Variants in NARS1 observed in about 807,000 individuals in gnomAD.
The protein encoded by NARS1 is asparaginyl-tRNA synthetase 1.
NARS1 carries 65 observed loss-of-function variants against 79.2 expected under a neutral mutation model. The observed-to-expected ratio is 0.82, with a 90% CI of 0.67 to 1.01. The LOEUF (loss-of-function observed/expected upper bound fraction) is 1.01, where lower values mean the gene tolerates loss of function less well. Among genes scored for constraint, NARS1 ranks in the 50% least tolerant of loss-of-function variants. The pLI is 0.00. For synonymous variants in NARS1, 229 were observed against 238.8 expected, an observed-to-expected ratio of 0.96 and a Z score of 0.38; for missense variants, 649 against 673.8, an observed-to-expected ratio of 0.96 and a Z score of 0.41.
At chr18:57,615,520 A>AAATG (rs751776115) in intron 4 of NARS1, 121 bp downstream of exon 4, 185 of 662,550 alleles carry the variant, frequency 2.8e-4, no homozygotes, top group Non-Finnish European at 4.4e-4. Flanking sequence ...ATAAATAAAT[A>AAATG]AATAAATGGA....
intron 13 of NARS1, 61 bp from the exon 14 acceptor site, chr18:57,601,844 G>A (rs2051509929): frequency 2.6e-6 from 4 of 1,566,584 alleles, no homozygotes; most frequent in Non-Finnish European, 3.5e-6. Flanking sequence ...TTTCATCTAA[G>A]ACAGTTAAAA....
At chr18:57,604,504 G>C (rs2051537684) in intron 11 of NARS1, among the ~76,000 whole-genome samples, 1 of 149,990 alleles carries the variant, frequency 6.7e-6, no homozygotes, top group Non-Finnish European at 1.5e-5. Flanking sequence ...CTAGTTAGCA[G>C]CATCTACACA....
chr18:57,616,944 G>T (rs1908053967), intron 2 of NARS1, among the ~76,000 whole-genome samples: 1 of 53,884 alleles, frequency 1.9e-5, no homozygotes, highest in African/African-American at 8.1e-5. Flanking sequence ...GAGAGACTCT[G>T]TCTCAAAAAA....
At chr18:57,606,287 A>C (rs2051555404) in intron 10 of NARS1, among the ~76,000 whole-genome samples, 1 of 150,562 alleles carries the variant, frequency 6.6e-6, no homozygotes, top group Non-Finnish European at 1.5e-5. Context: ...CAGAGGTTGC[A>C]GTGAGCAGAG....
intron 5 of NARS1, 120 bp downstream of exon 5, chr18:57,613,482 G>T: frequency 2.4e-6 from 2 of 817,242 alleles, no homozygotes; most frequent in South Asian, 1.7e-5. Context: ...AACAAAGTGA[G>T]ACTGTGTCTA....
intron 2 of NARS1, among the ~76,000 whole-genome samples, chr18:57,617,787 C>T (rs371794106): frequency 1.3e-5 from 2 of 150,724 alleles, no homozygotes; most frequent in African/African-American, 2.4e-5. Context: ...TGGTGGCACA[C>T]GCCTGTGGTC....
rs541148873 is a variant in NARS1 at position 57,607,100 on chromosome 18, T to C, written c.1001+34A>G. 5 of 1,560,304 alleles carry C rather than the reference T, an allele frequency of 3.2e-6. No individual in the cohort carries two copies. In the Admixed American group the frequency reaches 9.5e-5, roughly 30 times the overall value. On this transcript the variant is annotated intron_variant, in intron 9 of 13. Coordinates refer to ENST00000256854, the MANE Select transcript of NARS1 (RefSeq NM_004539.4). The stretch of plus-strand genomic sequence containing the variant: ...AGATTTCTTCTCTAAAGATATTACC[T>C]AGAAAGAAATAAAACAAAAAGACAA...
chr18:57,611,114 GCAC>G (rs2051601329), intron 6 of NARS1, among the ~76,000 whole-genome samples: 1 of 151,698 alleles, frequency 6.6e-6, no homozygotes. Context: ...CTACAGATAT[GCAC>G]CACCACACCT....
chr18:57,612,395 G>A (rs995968959), intron 5 of NARS1, among the ~76,000 whole-genome samples: 1 of 152,110 alleles, frequency 6.6e-6, no homozygotes, highest in Non-Finnish European at 1.5e-5. Context: ...TCCAATTACT[G>A]AAATCCGCTT....
In NARS1 at chr18:57,613,660, T is replaced by C. The variant is rs1032422264; in HGVS notation, c.363A>G (p.Glu121=). The stretch of plus-strand genomic sequence containing the variant: ...CCTTTACTCTTTGGCCTCTATATCC[T>C]TCTAACGCACCAATCTTCACCTGTC... ...EPKCVKIGAL[E]GYRGQRVKVF... The change falls in exon 5 of 14, where the codon GAA becomes GAG. Residue 121 remains glutamate (E), a synonymous_variant. Transcript: ENST00000256854. 5 of 1,614,142 alleles carry C rather than the reference T, an allele frequency of 3.1e-6. No homozygotes were observed. Among genetic ancestry groups the C allele is most frequent in the Admixed American group, 1.7e-5 (1 of 60,022 alleles).
Position 57,621,760 on chromosome 18 carries a change from C to T in NARS1, c.-43G>A. 6.2e-7 allele frequency: 1 copy of T among 1,613,808 alleles called. No individual in the cohort carries two copies. ...TCACCTCCAAGGACACAGACTGCAA[C>T]ACCGACGCCGTCTTATGACTCCAAC... On this transcript the variant is annotated 5_prime_UTR_variant, in exon 1 of 14. Transcript: ENST00000256854.
At chr18:57,616,164 C>T (rs938596324) in intron 2 of NARS1, 189 bp from the exon 3 acceptor site, 11 of 540,922 alleles carry the variant, frequency 2.0e-5, no homozygotes, top group Middle Eastern at 9.8e-4. Flanking sequence ...CGGTGGCTCA[C>T]GCCTGTAATC....
chr18:57,606,964 G>A, intron 9 of NARS1, 170 bp downstream of exon 9: 1 of 919,508 alleles, frequency 1.1e-6, no homozygotes, highest in Non-Finnish European at 1.6e-6. Context: ...AGTGAAAAAA[G>A]AGAACTTAGC....
Position 57,615,817 on chromosome 18 carries a change from C to CTCT in NARS1, c.249_251dup (p.Glu84dup), listed in dbSNP as rs756001909. 2 of 1,611,896 alleles carry CTCT rather than the reference C, an allele frequency of 1.2e-6. No homozygotes were observed. The highest frequency in any genetic ancestry group is 1.7e-6 in the Non-Finnish European group (2 of 1,179,306). On this transcript the variant is annotated inframe_insertion and splice_region_variant, in exon 3 of 14. Transcript: ENST00000256854. The stretch of plus-strand genomic sequence containing the variant: ...TCACGATGGCAAGGTCAGGACTCAC[C>CTCT]TCTTTCTTTTCCCGGGATTCACTCT...
rs113606545 is a variant in NARS1, at chr18:57,609,578, G to A, written c.493-135C>T. On this transcript the variant is annotated intron_variant, in intron 6 of 13. Transcript: ENST00000256854. The stretch of plus-strand genomic sequence containing the variant: ...TAAAATAAAGAGTGAGATGGCCACT[G>A]ATTCTTAATATTAAAATAGATATTT... 5,439 of 627,710 alleles carry A rather than the reference G, an allele frequency of 8.7e-3. 123 individuals carry two copies. Among genetic ancestry groups the A allele is most frequent in the African/African-American group, 0.055 (2,998 of 54,300 alleles). 38.9% of individuals were successfully genotyped at this position (627,710 alleles called of 1,614,324 possible). A position where few individuals can be genotyped will look rare whatever the true frequency, so the allele number is the denominator to read the frequency against.
Position 57,613,691 on chromosome 18 carries a change from GAAAT to G in NARS1, c.343-15_343-12del. The G allele has an allele frequency of 1.2e-6, 2 of 1,605,346 alleles. No homozygotes were observed. Among genetic ancestry groups the G allele is most frequent in the Non-Finnish European group, 1.7e-6 (2 of 1,172,922 alleles). On this transcript the variant is annotated splice_polypyrimidine_tract_variant and intron_variant, in intron 4 of 13. Transcript: ENST00000256854. Reference sequence around the variant, plus strand: ...CGCACCAATCTTCACCTGTCAAATTGAAATAAACAACATTTGTTCAATAATGTCA... The same window carrying G: ...CGCACCAATCTTCACCTGTCAAATTGAAACAACATTTGTTCAATAATGTCA...
chr18:57,609,689 GATAA>G (rs2051589708), intron 6 of NARS1, among the ~76,000 whole-genome samples: 1 of 152,064 alleles, frequency 6.6e-6, no homozygotes, highest in Non-Finnish European at 1.5e-5. Context: ...TACATACATG[GATAA>G]ATGACACTGA....
intron 4 of NARS1, 39 bp from the exon 5 acceptor site, chr18:57,613,719 C>A (rs367935845): frequency 1.9e-5 from 28 of 1,508,354 alleles, no homozygotes; most frequent in Non-Finnish European, 2.4e-5. Flanking sequence ...TCAATAATGT[C>A]ATTTATACAC....
chr18:57,617,909 C>T (rs1329127472), intron 2 of NARS1, among the ~76,000 whole-genome samples: 2 of 137,784 alleles, frequency 1.5e-5, no homozygotes, highest in African/African-American at 2.7e-5. Flanking sequence ...TGTGAGACTC[C>T]TTTTCAAAAA....
Sources: gnomAD v4.1 joint callset for allele counts (sites outside exome capture counted in the v4.1 genomes callset) on GRCh38, gnomAD v4.1.1 for gene constraint, MANE v1.5 for transcripts, NCBI Gene and HGNC (gene_info 2026-07-23, HGNC 2026-07-21) for gene names.